Variants in CCR6 observed in about 807,000 individuals in gnomAD.
The protein encoded by CCR6 is C-C chemokine receptor type 6.
Under a neutral mutation model 3.0 loss-of-function variants are expected in CCR6, and 2 were observed. The ratio of observed to expected loss-of-function variants is 0.66; its 90% CI spans 0.27 to 2.07. CCR6 has a LOEUF of 2.07. Among genes scored for constraint, CCR6 ranks in the 30% most tolerant of loss-of-function variants. The pLI is 0.14. For synonymous variants in CCR6, 193 were observed against 184.3 expected (o/e 1.05, Z -0.38); for missense variants, 322 against 462.8 (o/e 0.70, Z 2.79).
upstream of CCR6, among the ~76,000 whole-genome samples, chr6:167,122,575 C>T (rs897326350): frequency 1.1e-4 from 17 of 152,298 alleles, no homozygotes; most frequent in Admixed American, 7.2e-4. The surrounding 1 kb of genome is among the most constrained non-coding windows in gnomAD (Gnocchi z 4.2). Flanking sequence ...CCTCGGCTTC[C>T]GTGGACGGGC....
In CCR6 at chr6:167,131,937, T is replaced by C. The variant is rs559273490; in HGVS notation, c.-97-4101T>C. 3.3e-5 allele frequency among the ~76,000 whole-genome samples: 5 copies of C among 152,306 alleles called. No individual in the cohort carries two copies. In the South Asian group the frequency reaches 1.0e-3, roughly 32 times the overall value. On this transcript the variant is annotated intron_variant, in intron 1 of 2. Transcript: ENST00000341935. ...CCATGTGCCACCCCCACAATCAGGA[T>C]AGAGGACATTTCTGCCACCACAAAA...
At chr6:167,113,026 C>T (rs766217660) in intron 1 of CCR6, among the ~76,000 whole-genome samples, 9 of 151,624 alleles carry the variant, frequency 5.9e-5, no homozygotes, top group Middle Eastern at 3.4e-3. Flanking sequence ...ATAACAATCT[C>T]GGATGCACTT....
At chr6:167,122,422 G>A (rs41388051), upstream of CCR6, among the ~76,000 whole-genome samples, 3,259 of 152,264 alleles carry the variant, frequency 0.021, 127 homozygotes, top group African/African-American at 0.075. The surrounding 1 kb of genome is among the most constrained non-coding windows in gnomAD (Gnocchi z 4.2). Flanking sequence ...GCAGTGACCC[G>A]CATCGTCACC....
At chr6:167,112,228 T>C (rs780489448) in intron 1 of CCR6, among the ~76,000 whole-genome samples, 4 of 152,208 alleles carry the variant, frequency 2.6e-5, no homozygotes, top group Non-Finnish European at 4.4e-5. Flanking sequence ...TGCTCTATTC[T>C]AGAGACTTTG....
intron 1 of CCR6, among the ~76,000 whole-genome samples, chr6:167,117,694 C>T (rs1205310190): frequency 6.6e-6 from 1 of 151,940 alleles, no homozygotes; most frequent in South Asian, 2.1e-4. Context: ...GGATTACAGG[C>T]GTGAGCCACC....
chr6:167,131,123 A>G (rs892811011), intron 1 of CCR6: 1 of 152,186 alleles, frequency 6.6e-6, no homozygotes, highest in African/African-American at 2.4e-5. Context: ...CTGTTCACCA[A>G]GAGTTACTCA....
intron 1 of CCR6, among the ~76,000 whole-genome samples, chr6:167,133,958 A>G (rs1220802561): frequency 8.8e-5 from 8 of 90,956 alleles, no homozygotes; most frequent in East Asian, 3.2e-4. Flanking sequence ...ATATATATAT[A>G]TATATATATA....
intron 1 of CCR6, chr6:167,134,983 A>C (rs1172985531): frequency 6.6e-6 from 1 of 152,290 alleles, no homozygotes; most frequent in Non-Finnish European, 1.5e-5. Context: ...GGCGCTCCAC[A>C]ACCGCTCCAG....
At chr6:167,117,204 C>G (rs564406328) in intron 1 of CCR6, 1 of 151,606 alleles carries the variant, frequency 6.6e-6, no homozygotes, top group African/African-American at 2.4e-5. Context: ...ACCACCGTCC[C>G]CGCATCCCTC....
At chr6:167,123,626 A>G (rs1371472721) in intron 1 of CCR6, among the ~76,000 whole-genome samples, 1 of 152,242 alleles carries the variant, frequency 6.6e-6, no homozygotes, top group Non-Finnish European at 1.5e-5. Context: ...CATTTATGCA[A>G]TGAAGGCTGA....
chr6:167,121,797 G>A (rs546304185), upstream of CCR6, among the ~76,000 whole-genome samples: 300 of 152,304 alleles, frequency 2.0e-3, no homozygotes, highest in African/African-American at 6.9e-3. Flanking sequence ...TTGTTTGGAA[G>A]GATTGTTGTA....
At chr6:167,118,290 C>T (rs765637548), upstream of CCR6, among the ~76,000 whole-genome samples, 2 of 152,206 alleles carry the variant, frequency 1.3e-5, no homozygotes, top group Admixed American at 1.3e-4. Context: ...GAATCATTTA[C>T]AAATCTAAAA....
chr6:167,130,204 T>G (rs1184332180), intron 1 of CCR6, among the ~76,000 whole-genome samples: 1 of 151,750 alleles, frequency 6.6e-6, no homozygotes, highest in Non-Finnish European at 1.5e-5. Flanking sequence ...AAAGAGACAG[T>G]GTGAGATGTG....
chr6:167,127,143 A>G (rs1406524488), intron 1 of CCR6: 1 of 152,268 alleles, frequency 6.6e-6, no homozygotes, highest in Admixed American at 6.5e-5. Flanking sequence ...CATATAAATA[A>G]ACTACCTTTT....
intron 1 of CCR6, among the ~76,000 whole-genome samples, chr6:167,131,957 A>G (rs906483709): frequency 1.1e-4 from 16 of 152,150 alleles, no homozygotes; most frequent in African/African-American, 3.9e-4. Context: ...TTCTGCCACC[A>G]CAAAAGCCCC....
Position 167,137,270 on chromosome 6 carries a change from C to T in CCR6, c.1040C>T (p.Ser347Phe). 1 of 1,614,154 alleles carries T rather than the reference C, an allele frequency of 6.2e-7. No individual in the cohort carries two copies. Among genetic ancestry groups the T allele is most frequent in the South Asian group, 1.1e-5 (1 of 91,062 alleles). Residue 347 changes from serine (S) to phenylalanine (F), a missense_variant, in exon 3 of 3, where the codon TCC becomes TTC. By Grantham distance (155) the Ser-to-Phe change is radical. Transcript: ENST00000341935. The surrounding 1 kb of genome is among the most constrained non-coding windows in gnomAD (Gnocchi z 4.6). Reference protein sequence around the residue: ...VRRKYKSSGFSCAGRYSENIS... With the variant: ...VRRKYKSSGFFCAGRYSENIS... ...AGGAAGTACAAGTCCTCAGGCTTCT[C>T]CTGTGCCGGGAGGTACTCAGAAAAC...
intron 1 of CCR6, among the ~76,000 whole-genome samples, chr6:167,129,923 C>T (rs1022287283): frequency 6.6e-6 from 1 of 151,840 alleles, no homozygotes; most frequent in Non-Finnish European, 1.5e-5. Flanking sequence ...CGAATTGAGT[C>T]AAATGACATT....
At chr6:167,130,986 T>A (rs5014885) in intron 1 of CCR6, among the ~76,000 whole-genome samples, 1 of 104,660 alleles carries the variant, frequency 9.6e-6, no homozygotes, top group African/African-American at 4.1e-5. Context: ...ACCCTCCCTC[T>A]GGACCCCCTC....
At chr6:167,120,220 A>G (rs1404892668), upstream of CCR6, among the ~76,000 whole-genome samples, 1 of 152,002 alleles carries the variant, frequency 6.6e-6, no homozygotes, top group Non-Finnish European at 1.5e-5. Flanking sequence ...TGTCATCCGA[A>G]GGCTCGATTG....
Sources: allele counts gnomAD v4.1 joint callset (sites outside exome capture counted in the v4.1 genomes callset), GRCh38; gene constraint gnomAD v4.1.1; non-coding constraint Gnocchi (gnomAD v3.1); transcripts MANE v1.5; gene names NCBI Gene and HGNC (gene_info 2026-07-23, HGNC 2026-07-21).